RNF20: variants seen among roughly 807,000 people sequenced by gnomAD.
RNF20 encodes E3 ubiquitin-protein ligase BRE1A.
RNF20 carries 84 observed loss-of-function variants against 126.2 expected under a neutral mutation model. That is an observed-to-expected ratio of 0.67 (90% CI 0.56 to 0.80). The LOEUF is 0.80. RNF20 is among the 30% of genes least tolerant of loss of function. The pLI, the probability that RNF20 is intolerant of heterozygous loss-of-function variation, is 0.00. For missense variants in RNF20, 869 were observed against 1,188.2 expected (o/e 0.73, Z 3.95); for synonymous variants, 400 against 414.3 (o/e 0.97, Z 0.42).
intron 5 of RNF20, among the ~76,000 whole-genome samples, chr9:101,543,887 C>T (rs1489891151): frequency 1.3e-5 from 2 of 152,124 alleles, no homozygotes; most frequent in East Asian, 3.9e-4. Context: ...TGAGATAGGT[C>T]CTAGGGAAAT....
chr9:101,551,019 G>C (rs990172634), intron 10 of RNF20, among the ~76,000 whole-genome samples: 1 of 152,268 alleles, frequency 6.6e-6, no homozygotes, highest in East Asian at 1.9e-4. Flanking sequence ...AATGCAATGT[G>C]GTACAATGGC....
At chr9:101,550,914 C>G (rs1378137474) in intron 10 of RNF20, 129 bp downstream of exon 10, 8 of 850,716 alleles carry the variant, frequency 9.4e-6, no homozygotes, top group African/African-American at 5.0e-5. Context: ...TAGGTCTTTA[C>G]TCTGGTAGGT....
Position 101,560,827 on chromosome 9 carries a change from G to A in RNF20, c.2409G>A (p.Arg803=). ...TTGATGCCCAGCTACAGGTAGTAAG[G>A]AAACTGGAAGAGAAGGAGCATCTGT... The part of the protein sequence containing the change: ...TQVDAQLQVV[R]KLEEKEHLLQ... The change falls in exon 17 of 20, where the codon AGG becomes AGA. Residue 803 remains arginine, a synonymous_variant. Transcript: ENST00000389120. The A allele has an allele frequency of 6.2e-7, 1 of 1,613,266 alleles. No individual in the cohort carries two copies. Among genetic ancestry groups the A allele is most frequent in the Non-Finnish European group, 8.5e-7 (1 of 1,179,526 alleles).
At chr9:101,555,800 A>C (rs887081619) in intron 15 of RNF20, among the ~76,000 whole-genome samples, 3 of 151,842 alleles carry the variant, frequency 2.0e-5, no homozygotes, top group East Asian at 3.9e-4. Context: ...AAAAAAAAAA[A>C]AAAACAAAAT....
intron 5 of RNF20, 86 bp downstream of exon 5, chr9:101,541,061 A>G (rs978183690): frequency 2.5e-5 from 25 of 1,007,684 alleles, no homozygotes; most frequent in East Asian, 2.2e-4. Flanking sequence ...GCAAGCTTAC[A>G]TATTTATTTT....
At chr9:101,548,937 C>T (rs1413101180) in intron 9 of RNF20, among the ~76,000 whole-genome samples, 1 of 152,200 alleles carries the variant, frequency 6.6e-6, no homozygotes, top group Non-Finnish European at 1.5e-5. Context: ...TTTGGCTCTG[C>T]AGTTTTTTGC....
intron 9 of RNF20, among the ~76,000 whole-genome samples, chr9:101,549,055 G>A (rs777219623): frequency 6.6e-5 from 10 of 151,438 alleles, no homozygotes; most frequent in Admixed American, 6.6e-5. Context: ...CCACAGGGTC[G>A]GTGGGTCTCT....
chr9:101,562,124 G>C, intron 19 of RNF20, 113 bp downstream of exon 19: 5 of 1,310,478 alleles, frequency 3.8e-6, no homozygotes, highest in African/African-American at 1.5e-5. Flanking sequence ...TTGGAGGTTG[G>C]GGGGAAATGA....
At position 101,540,648 on chromosome 9, in the gene RNF20, G is replaced by C. The variant is rs192822144; in HGVS notation, c.445+11G>C. The C allele has an allele frequency of 6.2e-7, 1 of 1,613,862 alleles. No individual in the cohort carries two copies. The highest frequency in any genetic ancestry group is 8.5e-7 in the Non-Finnish European group (1 of 1,179,930). On this transcript the variant is annotated intron_variant, in intron 4 of 19. Transcript: ENST00000389120. The stretch of plus-strand genomic sequence containing the variant: ...ATGACCGAGAGAGAGGCAAGTGTTC[G>C]TGATGGATTCTATCACTGCATGCTA...
At position 101,552,609 on chromosome 9, in the gene RNF20, A is replaced by C; in HGVS notation, c.1757A>C (p.Lys586Thr). The C allele has an allele frequency of 6.5e-7, 1 of 1,548,212 alleles. No homozygotes were observed. Among genetic ancestry groups the C allele is most frequent in the Non-Finnish European group, 8.9e-7 (1 of 1,120,002 alleles). ...AGGGAACGAGAAAGAGAACGGGAGA[A>C]GGAGAAGGAGAGAGAACGAGAGAAG... ...KERERERERE[K>T]EKEREREKQK... The change falls in exon 13 of 20, where the codon AAG becomes ACG. Residue 586 changes from lysine to threonine, a missense_variant. By Grantham distance (78) the Lys-to-Thr change is moderately conservative. Around this residue, in one of 8 missense-constraint regions of RNF20, gnomAD observed 231 missense variants for 263.6 expected, o/e 0.88. Coordinates refer to ENST00000389120, the MANE Select transcript of RNF20 (RefSeq NM_019592.7).
intron 7 of RNF20, 78 bp downstream of exon 7, chr9:101,547,044 A>G (rs1827362151): frequency 6.2e-7 from 1 of 1,603,974 alleles, no homozygotes; most frequent in South Asian, 1.1e-5. Context: ...GGGGCATGGT[A>G]TTTGAGGAAA....
At chr9:101,538,976 G>A (rs1337737622) in intron 2 of RNF20, among the ~76,000 whole-genome samples, 7 of 152,172 alleles carry the variant, frequency 4.6e-5, no homozygotes, top group African/African-American at 1.7e-4. Context: ...AATGGAGTGA[G>A]GGTTTTGTAG....
intron 15 of RNF20, among the ~76,000 whole-genome samples, chr9:101,556,496 GA>G (rs1431359954): frequency 6.6e-6 from 1 of 151,984 alleles, no homozygotes; most frequent in Non-Finnish European, 1.5e-5. Context: ...TAATGTTAGA[GA>G]AAAGTTAGAT....
Position 101,550,587 on chromosome 9 carries a change from T to G in RNF20, c.1093-19T>G. 6.2e-7 allele frequency: 1 copy of G among 1,603,494 alleles called. No individual in the cohort carries two copies. The highest frequency in any genetic ancestry group is 1.7e-5 in the Admixed American group (1 of 58,442). ...CAATGCTAGATTCTGCTTCTGACTT[T>G]GCTTTGGGCCCTCCTAAGGTGGAAT... is the stretch of plus-strand genomic sequence containing the variant. On this transcript the variant is annotated intron_variant, in intron 9 of 19. Transcript: ENST00000389120.
rs1827614872 is a variant in RNF20, at chr9:101,560,822, G to A, written c.2404G>A (p.Val802Ile). The change falls in exon 17 of 20, where the codon GTA (valine) becomes ATA (isoleucine). Residue 802 changes from valine (V) to isoleucine (I), a missense_variant. Transcript: ENST00000389120. ...AAAGGTTGATGCCCAGCTACAGGTA[G>A]TAAGGAAACTGGAAGAGAAGGAGCA... ...KTQVDAQLQV[V>I]RKLEEKEHLL... 6.2e-6 allele frequency: 10 copies of A among 1,613,060 alleles called. No homozygotes were observed. Among genetic ancestry groups the A allele is most frequent in the Non-Finnish European group, 8.5e-6 (10 of 1,179,462 alleles).
intron 5 of RNF20, among the ~76,000 whole-genome samples, 170 bp downstream of exon 5, chr9:101,541,145 C>G (rs1001929017): frequency 1.1e-4 from 17 of 152,196 alleles, no homozygotes; most frequent in African/African-American, 4.1e-4. Context: ...GTGGCACCAT[C>G]ATAGCCCATT....
chr9:101,548,282 G>T (rs997588645), intron 9 of RNF20, among the ~76,000 whole-genome samples: 4 of 152,182 alleles, frequency 2.6e-5, no homozygotes, highest in African/African-American at 9.7e-5. Context: ...ATCTAAAAAA[G>T]TCAAAATCTT....
rs747590185 is a variant in RNF20 at position 101,540,635 on chromosome 9, G to A, written c.443G>A (p.Arg148Lys). The A allele has an allele frequency of 4.5e-5, 72 of 1,613,986 alleles. 2 individuals are homozygous for A. The South Asian group carries it at 7.6e-4, about 17-fold the overall frequency. The change falls in exon 4 of 20, where the codon AGA (arginine) becomes AAA (lysine). Residue 148 changes from arginine (R) to lysine (K), a missense_variant and splice_region_variant. Arg to Lys is a conservative substitution (Grantham distance 26, BLOSUM62 2). Coordinates refer to ENST00000389120, the MANE Select transcript of RNF20 (RefSeq NM_019592.7). The part of the protein sequence containing the change: ...SNQERKDDRE[R>K]GEGQEPAFSF... ...CAGGAGCGTAAAGATGACCGAGAGAGAGGCAAGTGTTCGTGATGGATTCTA... is the reference window on the plus strand; with the variant it reads ...CAGGAGCGTAAAGATGACCGAGAGAAAGGCAAGTGTTCGTGATGGATTCTA...
Position 101,552,657 on chromosome 9 carries a change from AAG to A in RNF20, c.1813_1814del (p.Asp605PhefsTer3), listed in dbSNP as rs754087500. 4.6e-6 allele frequency: 7 copies of A among 1,524,448 alleles called. No individual in the cohort carries two copies. Among genetic ancestry groups the A allele is most frequent in the Non-Finnish European group, 6.4e-6 (7 of 1,098,300 alleles). The allele number at this position is 1,524,448 out of a possible 1,614,324, so 94.4% of individuals were successfully genotyped here. On this transcript the variant is annotated frameshift_variant, in exon 13 of 20. Coordinates refer to ENST00000389120, the MANE Select transcript of RNF20 (RefSeq NM_019592.7). LOFTEE classifies it high-confidence loss of function. ...AAGCAGAAGCTAAAAGAGTCAGAAA[AAG>A]AGAGAGATTCTGCTAAGGATAAAGA...
Sources: gnomAD v4.1 joint callset for allele counts (sites outside exome capture counted in the v4.1 genomes callset) on GRCh38, gnomAD v4.1.1 for gene constraint, gnomAD v4.1.1 regional missense constraint, MANE v1.5 for transcripts, NCBI Gene and HGNC (gene_info 2026-07-23, HGNC 2026-07-21) for gene names.